Variants in CCDC30 observed in about 807,000 individuals in gnomAD.
CCDC30 encodes the protein coiled-coil domain containing 30.
CCDC30 carries 70 observed loss-of-function variants against 100.2 expected under a neutral mutation model. The observed-to-expected ratio is 0.70, with a 90% CI of 0.58 to 0.85. CCDC30 has a LOEUF of 0.85. CCDC30 is among the 40% of genes least tolerant of loss of function. CCDC30 has a pLI of 0.00. For synonymous variants in CCDC30, 233 were observed against 269.5 expected (o/e 0.86, Z 1.33); for missense variants, 652 against 771.2 (o/e 0.85, Z 1.83).
At chr1:42,536,195 A>G (rs1187118719) in intron 6 of CCDC30, among the ~76,000 whole-genome samples, 2 of 152,148 alleles carry the variant, frequency 1.3e-5, no homozygotes, top group Admixed American at 6.5e-5. Context: ...ATACTGCCTT[A>G]TATTTGATAA....
At chr1:42,627,071 C>A (rs944877776) in intron 11 of CCDC30, among the ~76,000 whole-genome samples, 1 of 152,112 alleles carries the variant, frequency 6.6e-6, no homozygotes. Flanking sequence ...TTGGAACCTC[C>A]TAGAGATTTG....
At chr1:42,491,869 T>G in intron 4 of CCDC30, 1 of 408,210 alleles carries the variant, frequency 2.4e-6, no homozygotes, top group Non-Finnish European at 4.6e-6. Context: ...ATAAGAAATA[T>G]TGGAGAGACG....
chr1:42,481,127 A>G (rs559617564), intron 2 of CCDC30, among the ~76,000 whole-genome samples: 5 of 149,890 alleles, frequency 3.3e-5, no homozygotes, highest in African/African-American at 4.9e-5. Context: ...AAAAAAAAAG[A>G]GTCATGCTGT....
At chr1:42,483,227 C>T (rs1191237449) in intron 3 of CCDC30, among the ~76,000 whole-genome samples, 1 of 152,200 alleles carries the variant, frequency 6.6e-6, no homozygotes, top group African/African-American at 2.4e-5. Context: ...TTACACGTAG[C>T]AGTTGTTTGT....
intron 12 of CCDC30, among the ~76,000 whole-genome samples, chr1:42,641,065 G>A (rs775522368): frequency 3.0e-4 from 45 of 152,004 alleles, no homozygotes; most frequent in Non-Finnish European, 5.9e-4. Flanking sequence ...AGACCAGCCT[G>A]AGCAACAGAG....
At chr1:42,560,571 G>A (rs575393589) in intron 6 of CCDC30, among the ~76,000 whole-genome samples, 98 of 151,950 alleles carry the variant, frequency 6.4e-4, no homozygotes, top group African/African-American at 2.2e-3. Flanking sequence ...GAGTTTCATC[G>A]TGCTGGCCAG....
At chr1:42,587,909 TA>T (rs1473282879) in intron 9 of CCDC30, among the ~76,000 whole-genome samples, 1 of 152,206 alleles carries the variant, frequency 6.6e-6, no homozygotes, top group Non-Finnish European at 1.5e-5. Context: ...GAAAGCCAAT[TA>T]CTGAGACAAT....
chr1:42,656,371 C>G (rs1648658139), downstream of CCDC30, among the ~76,000 whole-genome samples: 1 of 152,182 alleles, frequency 6.6e-6, no homozygotes. Flanking sequence ...TGGCTCACGC[C>G]TATAATCCCA....
chr1:42,531,058 C>T (rs1360361125), intron 6 of CCDC30, among the ~76,000 whole-genome samples: 1 of 152,162 alleles, frequency 6.6e-6, no homozygotes, highest in African/African-American at 2.4e-5. Context: ...AATAAAAACC[C>T]CAATGTTGGA....
At chr1:42,602,648 T>C (rs955810996) in intron 10 of CCDC30, among the ~76,000 whole-genome samples, 1 of 152,198 alleles carries the variant, frequency 6.6e-6, no homozygotes, top group Non-Finnish European at 1.5e-5. Flanking sequence ...TGAATCCACA[T>C]ACTAACCTTC....
intron 6 of CCDC30, 75 bp from the exon 8 acceptor site, chr1:42,539,098 C>A: frequency 8.2e-7 from 1 of 1,223,314 alleles, no homozygotes; most frequent in Non-Finnish European, 1.1e-6. Context: ...AAGATTCATT[C>A]TTAAAAATAT....
chr1:42,643,694 C>T (rs1557490264), intron 13 of CCDC30, among the ~76,000 whole-genome samples: 1 of 152,204 alleles, frequency 6.6e-6, no homozygotes, highest in Admixed American at 6.5e-5. Flanking sequence ...AACTGAGGCT[C>T]AGATTTGTCA....
At chr1:42,642,667 A>G (rs779982255) in intron 13 of CCDC30, 58 bp downstream of exon 17, 47 of 1,409,616 alleles carry the variant, frequency 3.3e-5, no homozygotes, top group African/African-American at 8.7e-5. Context: ...TTCTCCCTCA[A>G]CAAAGAGATG....
chr1:42,608,166 T>C (rs1285959969), intron 10 of CCDC30, among the ~76,000 whole-genome samples: 2 of 152,062 alleles, frequency 1.3e-5, no homozygotes, highest in African/African-American at 2.4e-5. Flanking sequence ...CCAAACACCA[T>C]GTCTGTAATT....
chr1:42,627,013 T>G (rs1646946128), intron 11 of CCDC30, among the ~76,000 whole-genome samples: 1 of 152,128 alleles, frequency 6.6e-6, no homozygotes, highest in Non-Finnish European at 1.5e-5. Flanking sequence ...AGGCAGAGGT[T>G]GGAATAGTTT....
At chr1:42,611,870 G>A (rs181520974) in intron 11 of CCDC30, among the ~76,000 whole-genome samples, 2 of 151,956 alleles carry the variant, frequency 1.3e-5, no homozygotes, top group African/African-American at 2.4e-5. Flanking sequence ...TAGAGACAGG[G>A]GTCTCACTAT....
intron 6 of CCDC30, among the ~76,000 whole-genome samples, chr1:42,563,790 T>C (rs1645547566): frequency 6.6e-6 from 1 of 151,946 alleles, no homozygotes; most frequent in Admixed American, 6.6e-5. Flanking sequence ...GGCAGGAGAA[T>C]TGCTTGAACC....
At chr1:42,624,882 G>T (rs1367813603) in intron 11 of CCDC30, among the ~76,000 whole-genome samples, 2 of 152,070 alleles carry the variant, frequency 1.3e-5, no homozygotes, top group Non-Finnish European at 2.9e-5. Flanking sequence ...TTTGGTATTA[G>T]GATAACACTG....
chr1:42,544,933 C>T lies in CCDC30; in HGVS notation c.457-21363C>T, dbSNP rs147686696. Among the ~76,000 whole-genome samples, 1,118 of 151,908 alleles carry T rather than the reference C, an allele frequency of 7.4e-3. 17 individuals carry two copies. Among genetic ancestry groups the T allele is most frequent in the African/African-American group, 0.025 (1,041 of 41,410 alleles). On this transcript the variant is annotated intron_variant, in intron 6 of 16. Coordinates refer to ENST00000668663, the Ensembl canonical transcript of CCDC30. Reference sequence around the variant, plus strand: ...TTCTTATAGATATAGAAGATATCTCCGTAAGATATATCTAATATTCTTTCT... The same window carrying T: ...TTCTTATAGATATAGAAGATATCTCTGTAAGATATATCTAATATTCTTTCT...
Sources: gnomAD v4.1 joint callset for allele counts (sites outside exome capture counted in the v4.1 genomes callset) on GRCh38, gnomAD v4.1.1 for gene constraint, MANE v1.5 for transcripts, NCBI Gene and HGNC (gene_info 2026-07-23, HGNC 2026-07-21) for gene names.